DAAM1: variants seen among roughly 807,000 people sequenced by gnomAD.
DAAM1 encodes dishevelled associated activator of morphogenesis 1.
DAAM1 carries 52 observed loss-of-function variants against 130.0 expected under a neutral mutation model. The observed-to-expected ratio is 0.40, with a 90% CI of 0.32 to 0.50. The LOEUF (loss-of-function observed/expected upper bound fraction) is 0.50, where lower values mean the gene tolerates loss of function less well. Ranked by LOEUF, DAAM1 falls within the 20% of genes least tolerant of loss-of-function variation. The pLI is 0.61. For missense variants in DAAM1, 1,134 were observed against 1,303.8 expected (o/e 0.87, Z 2.01); for synonymous variants, 452 against 444.5 (o/e 1.02, Z -0.21).
chr14:59,260,208 AT>A (rs1882106589), intron 1 of DAAM1, among the ~76,000 whole-genome samples: 1 of 152,180 alleles, frequency 6.6e-6, no homozygotes, highest in East Asian at 1.9e-4. Flanking sequence ...TGATAGGAAC[AT>A]TTTTGCATAC....
At chr14:59,296,352 A>G (rs191241981) in intron 3 of DAAM1, among the ~76,000 whole-genome samples, 1 of 152,296 alleles carries the variant, frequency 6.6e-6, no homozygotes, top group East Asian at 1.9e-4. Flanking sequence ...CACCAAAGCA[A>G]TGCAGTTGGT....
In DAAM1 at chr14:59,331,896, C is replaced by T; in HGVS notation, c.1944C>T (p.Thr648=). 1.9e-6 allele frequency: 3 copies of T among 1,613,934 alleles called. No individual in the cohort carries two copies. Among genetic ancestry groups the T allele is most frequent in the South Asian group, 2.2e-5 (2 of 91,036 alleles). Residue 648 remains threonine (T), a synonymous_variant, in exon 15 of 25, where the codon ACC becomes ACT. Transcript: ENST00000360909. The part of the protein sequence containing the change: ...KILDLEDLER[T]FSAYQRQQKE... ...TAGATCTTGAAGACCTGGAAAGAAC[C>T]TTCTCTGCCTATCAAAGACAGCAGG...
intron 2 of DAAM1, chr14:59,266,077 G>A (rs1400950572): frequency 1.3e-5 from 2 of 152,000 alleles, no homozygotes; most frequent in African/African-American, 4.8e-5. Context: ...ATCAAGAAGG[G>A]CAATAATGAT....
chr14:59,322,805 T>G (rs1422268005), intron 5 of DAAM1, 87 bp from the exon 6 acceptor site: 1 of 1,103,472 alleles, frequency 9.1e-7, no homozygotes, highest in African/African-American at 1.6e-5. Flanking sequence ...ACTAAATCTT[T>G]CTTTCCCCTG....
intron 1 of DAAM1, 135 bp from the exon 2 acceptor site, chr14:59,263,306 G>T: frequency 1.5e-6 from 1 of 687,570 alleles, no homozygotes; most frequent in Non-Finnish European, 2.4e-6. Context: ...CCCACTCGGT[G>T]TTGTTCTCTC....
At chr14:59,214,542 G>T (rs1200680078) in intron 1 of DAAM1, among the ~76,000 whole-genome samples, 1 of 152,168 alleles carries the variant, frequency 6.6e-6, no homozygotes, top group Non-Finnish European at 1.5e-5. Flanking sequence ...CTACTAATCT[G>T]CTTTCTGTCT....
intron 1 of DAAM1, among the ~76,000 whole-genome samples, chr14:59,189,688 A>G (rs914623246): frequency 3.9e-5 from 6 of 152,124 alleles, no homozygotes; most frequent in African/African-American, 1.4e-4. Flanking sequence ...TCTGAAAGCC[A>G]ACTGCTTGTG....
intron 2 of DAAM1, 113 bp downstream of exon 2, chr14:59,263,773 G>T: frequency 7.5e-7 from 1 of 1,336,714 alleles, no homozygotes; most frequent in Admixed American, 1.9e-5. Context: ...CAGTGAAATG[G>T]CCCCCATTCA....
intron 1 of DAAM1, among the ~76,000 whole-genome samples, chr14:59,248,249 G>A (rs959455738): frequency 1.3e-5 from 2 of 152,190 alleles, no homozygotes; most frequent in African/African-American, 4.8e-5. Context: ...TGGGTGGAGA[G>A]GACATGTTGG....
At position 59,324,379 on chromosome 14, in the gene DAAM1, G is replaced by T; in HGVS notation, c.914G>T (p.Arg305Leu). 4 of 1,589,032 alleles carry T rather than the reference G, an allele frequency of 2.5e-6. No individual in the cohort carries two copies. The highest frequency in any genetic ancestry group is 3.4e-6 in the Non-Finnish European group (4 of 1,167,166). Residue 305 changes from arginine (R) to leucine (L), a missense_variant, in exon 8 of 25, where the codon CGC (arginine) becomes CTC (leucine). Coordinates refer to ENST00000360909, the MANE Select transcript of DAAM1 (RefSeq NM_001270520.2). Reference protein sequence around the residue: ...VESLDFRLHLRYEFLMLGIQP... With the variant: ...VESLDFRLHLLYEFLMLGIQP... Reference sequence around the variant, plus strand: ...AGTTTGGACTTTAGACTTCATCTTCGCTATGAATTTCTGATGTTAGGAATT... The same window carrying T: ...AGTTTGGACTTTAGACTTCATCTTCTCTATGAATTTCTGATGTTAGGAATT...
At chr14:59,337,622 C>T (rs778424103) in intron 15 of DAAM1, among the ~76,000 whole-genome samples, 6 of 152,236 alleles carry the variant, frequency 3.9e-5, no homozygotes, top group Non-Finnish European at 7.3e-5. Context: ...ACCTCTTCCT[C>T]GTTCCCTTTT....
In DAAM1 at chr14:59,353,877, A is replaced by C; in HGVS notation, c.2269A>C (p.Ile757Leu). 1.1e-5 allele frequency: 17 copies of C among 1,613,904 alleles called. No individual in the cohort carries two copies. The highest frequency in any genetic ancestry group is 1.4e-5 in the Non-Finnish European group (17 of 1,179,846). ...ATTAGTACATGTTTGCTCTTACAGA[A>C]TTAATCACTATCAGCAAAGGTTGCA... Reference protein sequence around the residue: ...ADRFLFEMSRINHYQQRLQSL... With the variant: ...ADRFLFEMSRLNHYQQRLQSL... Residue 757 changes from isoleucine (I) to leucine (L), a missense_variant and splice_region_variant, in exon 19 of 25, where the codon ATT becomes CTT. This residue lies in a region of DAAM1 where 644 missense variants were observed against 695.9 expected (regional missense o/e 0.93). Transcript: ENST00000360909.
intron 1 of DAAM1, among the ~76,000 whole-genome samples, chr14:59,197,179 CA>C (rs1348161201): frequency 2.0e-5 from 3 of 152,210 alleles, no homozygotes; most frequent in Non-Finnish European, 4.4e-5. Context: ...CTCAGCCTCC[CA>C]AAGTGCTGGG....
chr14:59,250,276 G>T (rs983818008), intron 1 of DAAM1, among the ~76,000 whole-genome samples: 29 of 152,270 alleles, frequency 1.9e-4, no homozygotes, highest in Admixed American at 1.6e-3. Context: ...TATCCCTGTA[G>T]CTGGTCCCTG....
At chr14:59,235,277 CT>C (rs1566661356) in intron 1 of DAAM1, among the ~76,000 whole-genome samples, 1 of 152,004 alleles carries the variant, frequency 6.6e-6, no homozygotes, top group African/African-American at 2.4e-5. Context: ...TGGTCCTGAG[CT>C]TTTTTTGGTT....
At chr14:59,226,931 C>G (rs563256818) in intron 1 of DAAM1, among the ~76,000 whole-genome samples, 42 of 152,320 alleles carry the variant, frequency 2.8e-4, no homozygotes, top group African/African-American at 6.0e-4. Flanking sequence ...TGAAGTGCAG[C>G]ATGAATAGTG....
intron 1 of DAAM1, among the ~76,000 whole-genome samples, chr14:59,196,737 T>C (rs1209003669): frequency 6.6e-6 from 1 of 151,758 alleles, no homozygotes; most frequent in Non-Finnish European, 1.5e-5. Context: ...AGCGAGATTC[T>C]GTCTCAAAAA....
At chr14:59,201,064 G>A (rs553164513) in intron 1 of DAAM1, among the ~76,000 whole-genome samples, 1 of 151,636 alleles carries the variant, frequency 6.6e-6, no homozygotes, top group Non-Finnish European at 1.5e-5. Flanking sequence ...GGGAGTCTGA[G>A]GCAGGAGAAT....
chr14:59,281,936 A>T (rs1883241844), intron 2 of DAAM1, among the ~76,000 whole-genome samples: 1 of 152,086 alleles, frequency 6.6e-6, no homozygotes, highest in Non-Finnish European at 1.5e-5. Context: ...TCTCCCAGTT[A>T]TTATCGAATT....
Sources: allele counts gnomAD v4.1 joint callset (sites outside exome capture counted in the v4.1 genomes callset), GRCh38; gene constraint gnomAD v4.1.1; regional missense constraint gnomAD v4.1.1; transcripts MANE v1.5; gene names NCBI Gene and HGNC (gene_info 2026-07-23, HGNC 2026-07-21).